MACROD2: variants seen among roughly 807,000 people sequenced by gnomAD.
MACROD2 encodes the protein mono-ADP ribosylhydrolase 2, also known as ADP-ribose glycohydrolase MACROD2.
A neutral mutation model predicts 70.4 loss-of-function variants in MACROD2; 36 were observed. The observed-to-expected ratio is 0.51, with a 90% CI of 0.39 to 0.68. The LOEUF (loss-of-function observed/expected upper bound fraction) is 0.68. Ranked by LOEUF, MACROD2 falls within the 30% of genes least tolerant of loss-of-function variation. MACROD2 has a pLI of 0.00. For synonymous variants in MACROD2, 172 were observed against 178.8 expected (o/e 0.96, Z 0.30); for missense variants, 496 against 538.4 (o/e 0.92, Z 0.78).
intron 2 of MACROD2, among the ~76,000 whole-genome samples, chr20:14,025,433 T>C (rs2053149605): frequency 6.6e-6 from 1 of 151,552 alleles, no homozygotes; most frequent in Middle Eastern, 3.2e-3. Flanking sequence ...CTCTTGCTTC[T>C]CTAGTTCTTT....
At chr20:15,063,530 A>G (rs1331301814) in intron 5 of MACROD2, among the ~76,000 whole-genome samples, 2 of 152,220 alleles carry the variant, frequency 1.3e-5, no homozygotes, top group African/African-American at 4.8e-5. Flanking sequence ...CATATTTTAA[A>G]TGACGTTCCT....
intron 13 of MACROD2, among the ~76,000 whole-genome samples, chr20:15,980,506 T>C (rs1404765226): frequency 6.6e-6 from 1 of 152,206 alleles, no homozygotes; most frequent in East Asian, 1.9e-4. Flanking sequence ...TTTTTTATCA[T>C]TTAAAGAAGC....
At chr20:14,545,419 G>A (rs552093889) in intron 4 of MACROD2, among the ~76,000 whole-genome samples, 2 of 152,230 alleles carry the variant, frequency 1.3e-5, no homozygotes, top group South Asian at 2.1e-4. Context: ...TACAGGATCA[G>A]ATTCAGCTGT....
At chr20:14,922,091 T>C (rs1470791093) in intron 5 of MACROD2, among the ~76,000 whole-genome samples, 1 of 152,190 alleles carries the variant, frequency 6.6e-6, no homozygotes, top group Non-Finnish European at 1.5e-5. Flanking sequence ...ATTTCTATGA[T>C]GACCCGGTGA....
Position 15,948,022 on chromosome 20 carries a change from G to C in MACROD2, c.907+10478G>C, listed in dbSNP as rs777212685. On this transcript the variant is annotated intron_variant, in intron 12 of 17. Transcript: ENST00000684519. ...CAATTCAGCAGGAAGCAGTTAGAGC[G>C]GTCATTGGCCAACCTCCCCAACAGC... is the stretch of plus-strand genomic sequence containing the variant. 3.3e-5 allele frequency among the ~76,000 whole-genome samples: 5 copies of C among 152,152 alleles called. No individual in the cohort carries two copies. The East Asian group carries it at 9.7e-4, about 30-fold the overall frequency.
At chr20:14,943,021 T>G (rs940561782) in intron 5 of MACROD2, among the ~76,000 whole-genome samples, 22 of 152,294 alleles carry the variant, frequency 1.4e-4, no homozygotes, top group African/African-American at 5.1e-4. Flanking sequence ...ATTCATCACC[T>G]GAATGACAGC....
At chr20:15,661,698 T>A (rs1347906797) in intron 8 of MACROD2, among the ~76,000 whole-genome samples, 1 of 152,124 alleles carries the variant, frequency 6.6e-6, no homozygotes, top group Non-Finnish European at 1.5e-5. Context: ...TCCTACAATT[T>A]ACAGGGCAGT....
chr20:15,849,925 T>A (rs2064277529), intron 8 of MACROD2, among the ~76,000 whole-genome samples: 2 of 152,290 alleles, frequency 1.3e-5, no homozygotes, highest in African/African-American at 4.8e-5. Context: ...AAGAGACCTA[T>A]TCTTGGCACT....
intron 3 of MACROD2, among the ~76,000 whole-genome samples, chr20:14,215,337 T>TATCTATGCCATCATATATACACAC (rs1166198341): frequency 1.3e-4 from 17 of 131,044 alleles, no homozygotes; most frequent in Non-Finnish European, 2.3e-4. Context: ...CCATCATATA[T>TATCTATGCCATCATATATACACAC]ACACACACAC....
intron 15 of MACROD2, among the ~76,000 whole-genome samples, chr20:15,997,842 T>G (rs1338737635): frequency 6.6e-5 from 10 of 152,180 alleles, no homozygotes; most frequent in Non-Finnish European, 1.5e-4. Flanking sequence ...TATATGGCCT[T>G]TATTATGTTG....
chr20:14,570,448 G>T (rs1490766125), intron 4 of MACROD2, among the ~76,000 whole-genome samples: 1 of 151,776 alleles, frequency 6.6e-6, no homozygotes, highest in African/African-American at 2.4e-5. Flanking sequence ...TTTATGATTT[G>T]TACAATTTGC....
At chr20:14,826,217 A>T (rs2072900868) in intron 5 of MACROD2, among the ~76,000 whole-genome samples, 1 of 148,810 alleles carries the variant, frequency 6.7e-6, no homozygotes, top group Non-Finnish European at 1.5e-5. Context: ...AGAAATAAAC[A>T]CTAGTTAAAA....
chr20:14,023,868 G>A (rs2053121762), intron 2 of MACROD2, among the ~76,000 whole-genome samples: 1 of 152,164 alleles, frequency 6.6e-6, no homozygotes, highest in Non-Finnish European at 1.5e-5. Flanking sequence ...GCTTAGGATT[G>A]TCTTGGCTAT....
At chr20:15,752,401 T>C (rs1396024560) in intron 8 of MACROD2, among the ~76,000 whole-genome samples, 3 of 152,084 alleles carry the variant, frequency 2.0e-5, no homozygotes, top group Non-Finnish European at 4.4e-5. Flanking sequence ...AAACCCCTGC[T>C]CCTGTCAAGA....
chr20:14,443,828 T>C (rs376726196), intron 3 of MACROD2, among the ~76,000 whole-genome samples: 12 of 152,192 alleles, frequency 7.9e-5, no homozygotes, highest in African/African-American at 2.9e-4. Context: ...GCCTGCAAGA[T>C]AGGAATAATC....
At chr20:14,736,383 G>A (rs2071664796) in intron 5 of MACROD2, among the ~76,000 whole-genome samples, 1 of 152,154 alleles carries the variant, frequency 6.6e-6, no homozygotes, top group Admixed American at 6.6e-5. Context: ...TGATGAAAAT[G>A]TTGTGGAACT....
At chr20:14,649,680 G>T (rs1985576924) in intron 4 of MACROD2, among the ~76,000 whole-genome samples, 1 of 152,142 alleles carries the variant, frequency 6.6e-6, no homozygotes, top group South Asian at 2.1e-4. Flanking sequence ...ATATGACAAG[G>T]TATTTAGGCT....
chr20:15,796,284 C>T (rs1200162538), intron 8 of MACROD2, among the ~76,000 whole-genome samples: 1 of 152,228 alleles, frequency 6.6e-6, no homozygotes, highest in African/African-American at 2.4e-5. Flanking sequence ...AGCTATACTT[C>T]CTGCTAAGAC....
intron 8 of MACROD2, among the ~76,000 whole-genome samples, chr20:15,803,237 C>A (rs771044069): frequency 6.6e-6 from 1 of 151,926 alleles, no homozygotes. Flanking sequence ...ATATCCCTGA[C>A]GAAAGATGCA....
Sources: gnomAD v4.1 joint callset for allele counts (sites outside exome capture counted in the v4.1 genomes callset) on GRCh38, gnomAD v4.1.1 for gene constraint, MANE v1.5 for transcripts, NCBI Gene and HGNC (gene_info 2026-07-23, HGNC 2026-07-21) for gene names.